SPINK5: variants seen among roughly 807,000 people sequenced by gnomAD.
SPINK5 encodes the protein serine protease inhibitor Kazal-type 5.
In SPINK5, 125 loss-of-function variants were observed where a neutral mutation model predicts 151.8. That is an observed-to-expected ratio of 0.82 (90% CI 0.71 to 0.96). SPINK5 has a LOEUF of 0.96. Among genes scored for constraint, SPINK5 ranks in the 40% least tolerant of loss-of-function variants. The probability of loss-of-function intolerance (pLI) is 0.00; values close to 1 mark genes in which losing one functional copy is unlikely to be tolerated. For missense variants in SPINK5, 1,194 were observed against 1,291.9 expected (o/e 0.92, Z 1.16); for synonymous variants, 374 against 395.3 (o/e 0.95, Z 0.64).
intron 6 of SPINK5, chr5:148,089,257 T>C (rs1391708476): frequency 3.4e-6 from 2 of 582,256 alleles, no homozygotes; most frequent in Non-Finnish European, 6.4e-6. Context: ...GTGCTCTGTC[T>C]GAGTTCTGGC....
intron 18 of SPINK5, among the ~76,000 whole-genome samples, chr5:148,110,904 T>C (rs1266786390): frequency 6.6e-6 from 1 of 152,046 alleles, no homozygotes; most frequent in East Asian, 1.9e-4. Flanking sequence ...CAAACCACCA[T>C]GGCACATGTA....
chr5:148,092,200 A>AT (rs1183562442), intron 8 of SPINK5, among the ~76,000 whole-genome samples: 1 of 151,944 alleles, frequency 6.6e-6, no homozygotes, highest in Non-Finnish European at 1.5e-5. Flanking sequence ...ATGTTTTCCT[A>AT]AAGGAAGAAA....
At chr5:148,097,503 C>T (rs1581077042) in intron 10 of SPINK5, among the ~76,000 whole-genome samples, 1 of 151,962 alleles carries the variant, frequency 6.6e-6, no homozygotes, top group African/African-American at 2.4e-5. Flanking sequence ...CAAGATAGAA[C>T]TTAGACATAA....
Position 148,137,085 on chromosome 5 carries a change from C to T in SPINK5, c.*94C>T. On this transcript the variant is annotated 3_prime_UTR_variant, in exon 33 of 33. Coordinates refer to ENST00000256084, the MANE Select transcript of SPINK5 (RefSeq NM_006846.4). Reference sequence around the variant, plus strand: ...TGTATATACAAAGAATTCTTCGGAGCTTGTCTTATTTGCTATAGAAAACAA... The same window carrying T: ...TGTATATACAAAGAATTCTTCGGAGTTTGTCTTATTTGCTATAGAAAACAA... 6.6e-7 allele frequency: 1 copy of T among 1,517,794 alleles called. No individual in the cohort carries two copies. Among genetic ancestry groups the T allele is most frequent in the South Asian group, 1.1e-5 (1 of 88,988 alleles). 94.0% of individuals were successfully genotyped at this position (1,517,794 alleles called of 1,614,324 possible). A position where few individuals can be genotyped will look rare whatever the true frequency, so the allele number is the denominator to read the frequency against.
chr5:148,098,528 G>A (rs946461886), intron 11 of SPINK5, among the ~76,000 whole-genome samples: 2 of 151,970 alleles, frequency 1.3e-5, no homozygotes, highest in African/African-American at 4.8e-5. Context: ...CTTATATTTA[G>A]AATCTATGGC....
chr5:148,065,606 G>A, intron 2 of SPINK5: 2 of 504,920 alleles, frequency 4.0e-6, no homozygotes, highest in South Asian at 3.2e-5. Flanking sequence ...GTCTGCAAGA[G>A]GCAATTTATC....
At chr5:148,074,834 T>A (rs1421032445) in intron 4 of SPINK5, among the ~76,000 whole-genome samples, 1 of 151,746 alleles carries the variant, frequency 6.6e-6, no homozygotes, top group Non-Finnish European at 1.5e-5. Context: ...ATTTACAAAA[T>A]ATTCAGATTT....
chr5:148,066,396 T>G (rs1228213589), intron 2 of SPINK5, among the ~76,000 whole-genome samples: 2 of 152,178 alleles, frequency 1.3e-5, no homozygotes, highest in African/African-American at 2.4e-5. Context: ...GCTGAATATG[T>G]GGCAAAATTT....
At position 148,131,391 on chromosome 5, in the gene SPINK5, T is replaced by C. The variant is rs1754569068; in HGVS notation, c.3095+2T>C. On this transcript the variant is annotated splice_donor_variant, in intron 31 of 32. Coordinates refer to ENST00000256084, the MANE Select transcript of SPINK5 (RefSeq NM_006846.4). LOFTEE classifies it high-confidence loss of function. ...TTGCATGCTCTGTCATGAAAACCTG[T>C]AAGTATTCAAGTTGCCCCATCATAT... 6.2e-7 allele frequency: 1 copy of C among 1,613,844 alleles called. No individual in the cohort carries two copies. Among genetic ancestry groups the C allele is most frequent in the Admixed American group, 1.7e-5 (1 of 60,014 alleles).
At position 148,124,857 on chromosome 5, in the gene SPINK5, C is replaced by G; in HGVS notation, c.2739+20C>G. On this transcript the variant is annotated intron_variant, in intron 28 of 32. Transcript: ENST00000256084. ...GCAAAGGTTATTTATTAAAGGATACCAAAATAACCATTTTACTTTTCACCT... is the reference window on the plus strand; with the variant it reads ...GCAAAGGTTATTTATTAAAGGATACGAAAATAACCATTTTACTTTTCACCT... 1 of 1,564,464 alleles carries G rather than the reference C, an allele frequency of 6.4e-7. No homozygotes were observed. Among genetic ancestry groups the G allele is most frequent in the African/African-American group, 1.4e-5 (1 of 72,706 alleles).
At position 148,118,581 on chromosome 5, in the gene SPINK5, A is replaced by G; in HGVS notation, c.2240+17A>G. 6.2e-7 allele frequency: 1 copy of G among 1,613,816 alleles called. No individual in the cohort carries two copies. The highest frequency in any genetic ancestry group is 1.3e-5 in the African/African-American group (1 of 75,056). On this transcript the variant is annotated intron_variant, in intron 23 of 32. Coordinates refer to ENST00000256084, the MANE Select transcript of SPINK5 (RefSeq NM_006846.4). ...AGCAAAATTGTAAGTATTTCTCTCA[A>G]CAGGCATGTCTAAAATATAGTCACA...
At chr5:148,072,296 T>C (rs1752760906) in intron 4 of SPINK5, 76 bp downstream of exon 4, 3 of 1,469,860 alleles carry the variant, frequency 2.0e-6, no homozygotes, top group Admixed American at 1.7e-5. Context: ...GTTTATTCCT[T>C]AATTACTAGG....
At position 148,102,174 on chromosome 5, in the gene SPINK5, G is replaced by GCTAA. The variant is rs1201082004; in HGVS notation, c.1430+269_1430+272dup. On this transcript the variant is annotated intron_variant, in intron 15 of 32. Coordinates refer to ENST00000256084, the MANE Select transcript of SPINK5 (RefSeq NM_006846.4). ...CTCTTATATGTGGGATCTAAAAAAAGCTAACTCATAGTAGAGAGTAGGATG... is the reference window on the plus strand; with the variant it reads ...CTCTTATATGTGGGATCTAAAAAAAGCTAACTAACTCATAGTAGAGAGTAGGATG... 2.0e-5 allele frequency among the ~76,000 whole-genome samples: 3 copies of GCTAA among 152,104 alleles called. No individual in the cohort carries two copies. In the East Asian group the frequency reaches 5.8e-4, roughly 29 times the overall value.
intron 17 of SPINK5, among the ~76,000 whole-genome samples, chr5:148,107,970 CAT>C (rs1753824768): frequency 6.6e-6 from 1 of 152,192 alleles, no homozygotes; most frequent in African/African-American, 2.4e-5. Context: ...CTAACTTTCA[CAT>C]GTCTTGATCC....
chr5:148,130,862 A>G lies in SPINK5; in HGVS notation c.2965-397A>G, dbSNP rs186351096. ...TAGGACTCAAAAACTCATGCAATTT[A>G]TGAGTATTTACCTCTGAGTCTTTCC... On this transcript the variant is annotated intron_variant, in intron 30 of 32. Transcript: ENST00000256084. Among the ~76,000 whole-genome samples, 26 of 152,290 alleles carry G rather than the reference A, an allele frequency of 1.7e-4. 1 individual carries two copies. In the East Asian group the frequency reaches 4.3e-3, roughly 25 times the overall value.
rs1331351055 is a variant in SPINK5 at position 148,111,737 on chromosome 5, T to C, written c.1693-31T>C. The C allele has an allele frequency of 3.7e-6, 6 of 1,613,784 alleles. No homozygotes were observed. In the East Asian group the frequency reaches 6.7e-5, roughly 18 times the overall value. On this transcript the variant is annotated intron_variant, in intron 18 of 32. Transcript: ENST00000256084. The stretch of plus-strand genomic sequence containing the variant: ...GATTTCTAGTGTTTAGTTATTGGAC[T>C]CTTAAAACCTGCTTCTGCTTCATTT...
chr5:148,105,537 T>G (rs1011069933), intron 16 of SPINK5, among the ~76,000 whole-genome samples: 2 of 152,190 alleles, frequency 1.3e-5, no homozygotes, highest in Non-Finnish European at 2.9e-5. Flanking sequence ...ATTTTATACA[T>G]AGCAGAGTCA....
chr5:148,074,184 T>C (rs1752822304), intron 4 of SPINK5, among the ~76,000 whole-genome samples: 2 of 151,960 alleles, frequency 1.3e-5, no homozygotes, highest in Admixed American at 1.3e-4. Flanking sequence ...TAAGGTGCTC[T>C]GCATTTCAAG....
At chr5:148,114,760 A>G (rs1377686795) in intron 21 of SPINK5, among the ~76,000 whole-genome samples, 2 of 152,174 alleles carry the variant, frequency 1.3e-5, no homozygotes, top group Non-Finnish European at 2.9e-5. Flanking sequence ...TTCTTAAGTT[A>G]TTTGCTATCA....
Sources: gnomAD v4.1 joint callset for allele counts (sites outside exome capture counted in the v4.1 genomes callset) on GRCh38, gnomAD v4.1.1 for gene constraint, MANE v1.5 for transcripts, NCBI Gene and HGNC (gene_info 2026-07-23, HGNC 2026-07-21) for gene names.